Variants in SLCO1B3 observed in about 807,000 individuals in gnomAD.
SLCO1B3 encodes liver-specific organic anion transporter 2.
A neutral mutation model predicts 71.8 loss-of-function variants in SLCO1B3; 72 were observed. That is an observed-to-expected ratio of 1.00 (90% CI 0.83 to 1.22). The LOEUF is 1.22. Among genes scored for constraint, SLCO1B3 ranks in the 50% most tolerant of loss-of-function variants. The pLI, the probability that SLCO1B3 is intolerant of heterozygous loss-of-function variation, is 0.00. For missense variants in SLCO1B3, 911 were observed against 819.7 expected (o/e 1.11, Z -1.36); for synonymous variants, 298 against 278.4 (o/e 1.07, Z -0.70).
chr12:20,865,718 T>C (rs1476939967), intron 8 of SLCO1B3, among the ~76,000 whole-genome samples: 1 of 152,116 alleles, frequency 6.6e-6, no homozygotes, highest in African/African-American at 2.4e-5. Flanking sequence ...ATATTGTGAA[T>C]ACATAAAATA....
intron 13 of SLCO1B3, among the ~76,000 whole-genome samples, chr12:20,885,741 G>C (rs1448677510): frequency 6.6e-6 from 1 of 151,894 alleles, no homozygotes; most frequent in African/African-American, 2.4e-5. Flanking sequence ...AAAAAAGTGT[G>C]TGAGGAAAAG....
intron 3 of SLCO1B3, among the ~76,000 whole-genome samples, chr12:20,844,694 C>T (rs761495817): frequency 6.6e-6 from 1 of 151,780 alleles, no homozygotes; most frequent in Non-Finnish European, 1.5e-5. Context: ...TAGTTTTATT[C>T]CACTGTGGTC....
intron 13 of SLCO1B3, among the ~76,000 whole-genome samples, chr12:20,895,987 G>GA (rs1174808642): frequency 6.6e-6 from 1 of 152,212 alleles, no homozygotes; most frequent in Non-Finnish European, 1.5e-5. Flanking sequence ...TGCACCATGT[G>GA]AAGGCACAGC....
chr12:20,916,813 G>A lies in SLCO1B3; in HGVS notation c.*566G>A, dbSNP rs1216763611. 2 of 152,110 alleles carry A rather than the reference G, an allele frequency of 1.3e-5. No individual in the cohort carries two copies. The highest frequency in any genetic ancestry group is 3.2e-3 in the Middle Eastern group (1 of 316). 9.4% of individuals were successfully genotyped at this position (152,110 alleles called of 1,614,324 possible). ...AAATAGAAATATTCAAATATTGCAA[G>A]GTGTAATTGTGAGACAACTTATTAT... On this transcript the variant is annotated 3_prime_UTR_variant, in exon 16 of 16. Coordinates refer to ENST00000381545, the MANE Select transcript of SLCO1B3 (RefSeq NM_019844.4).
At chr12:20,836,839 C>T (rs1254988200) in intron 3 of SLCO1B3, among the ~76,000 whole-genome samples, 3 of 152,118 alleles carry the variant, frequency 2.0e-5, no homozygotes, top group African/African-American at 7.2e-5. Flanking sequence ...GATGGGGTTT[C>T]ACTGTGTTAG....
At chr12:20,850,247 T>G (rs1329235558) in intron 3 of SLCO1B3, among the ~76,000 whole-genome samples, 2 of 144,622 alleles carry the variant, frequency 1.4e-5, no homozygotes, top group Non-Finnish European at 3.0e-5. Context: ...ATTATTTTTA[T>G]TATTATTATT....
intron 13 of SLCO1B3, among the ~76,000 whole-genome samples, chr12:20,890,759 T>G (rs757964659): frequency 6.6e-6 from 1 of 152,226 alleles, no homozygotes; most frequent in Admixed American, 6.5e-5. Flanking sequence ...ATCCTTTATA[T>G]GATAACCTTC....
At chr12:20,877,140 A>G (rs1238527266) in intron 9 of SLCO1B3, among the ~76,000 whole-genome samples, 1 of 152,062 alleles carries the variant, frequency 6.6e-6, no homozygotes, top group Non-Finnish European at 1.5e-5. Context: ...CAATTAATGG[A>G]TTTTCTAAAC....
At chr12:20,901,034 A>T (rs141520175) in intron 14 of SLCO1B3, among the ~76,000 whole-genome samples, 1 of 152,300 alleles carries the variant, frequency 6.6e-6, no homozygotes, top group African/African-American at 2.4e-5. Context: ...TACTAACAAC[A>T]TTCCCCTTTT....
chr12:20,849,538 GA>G (rs1864980859), intron 3 of SLCO1B3, among the ~76,000 whole-genome samples: 1 of 151,958 alleles, frequency 6.6e-6, no homozygotes, highest in Admixed American at 6.6e-5. Flanking sequence ...GATTGTTCTA[GA>G]AGTTCTAGCC....
intron 3 of SLCO1B3, among the ~76,000 whole-genome samples, chr12:20,840,828 T>TGCCC (rs1864782880): frequency 6.6e-6 from 1 of 152,148 alleles, no homozygotes; most frequent in Non-Finnish European, 1.5e-5. Flanking sequence ...AGGCTCCAAT[T>TGCCC]AATTAGTTTT....
At chr12:20,895,415 C>T (rs1435164891) in intron 13 of SLCO1B3, among the ~76,000 whole-genome samples, 2 of 152,084 alleles carry the variant, frequency 1.3e-5, no homozygotes, top group Admixed American at 6.5e-5. Flanking sequence ...ACAGCCTTTC[C>T]AAATGGGAGA....
chr12:20,838,383 G>T (rs1864728379), intron 3 of SLCO1B3, among the ~76,000 whole-genome samples: 1 of 151,818 alleles, frequency 6.6e-6, no homozygotes, highest in South Asian at 2.1e-4. Flanking sequence ...CATGTAGTTG[G>T]CCTTGTTACT....
At chr12:20,903,370 A>G (rs1371231350) in intron 15 of SLCO1B3, among the ~76,000 whole-genome samples, 2 of 152,228 alleles carry the variant, frequency 1.3e-5, no homozygotes, top group Non-Finnish European at 2.9e-5. Flanking sequence ...TTACATTCAT[A>G]TAGTGGAATA....
chr12:20,843,480 C>T (rs1864844582), intron 3 of SLCO1B3, among the ~76,000 whole-genome samples: 1 of 152,046 alleles, frequency 6.6e-6, no homozygotes, highest in Non-Finnish European at 1.5e-5. Context: ...GTTCTCTTAC[C>T]TCAATACTTC....
At chr12:20,812,113 G>T (rs1864119856) in intron 1 of SLCO1B3, among the ~76,000 whole-genome samples, 1 of 151,824 alleles carries the variant, frequency 6.6e-6, no homozygotes, top group Admixed American at 6.6e-5. Context: ...CTCTGTGTTG[G>T]TCAGGCTGGT....
chr12:20,842,014 G>C (rs1332650270), intron 3 of SLCO1B3, among the ~76,000 whole-genome samples: 1 of 151,824 alleles, frequency 6.6e-6, no homozygotes, highest in Non-Finnish European at 1.5e-5. Flanking sequence ...TCCTGCCTCA[G>C]CCTCCTGAGT....
chr12:20,856,379 C>T (rs1865136515), intron 4 of SLCO1B3, among the ~76,000 whole-genome samples: 1 of 151,232 alleles, frequency 6.6e-6, no homozygotes, highest in Non-Finnish European at 1.5e-5. Context: ...AAGTCACATT[C>T]AAAAAATATA....
chr12:20,844,511 T>C lies in SLCO1B3; in HGVS notation c.85-10517T>C, dbSNP rs1411103858. 9.9e-5 allele frequency among the ~76,000 whole-genome samples: 15 copies of C among 150,880 alleles called. No homozygotes were observed. The East Asian group carries it at 3.0e-3, about 30-fold the overall frequency. On this transcript the variant is annotated intron_variant, in intron 3 of 15. Transcript: ENST00000381545. ...TGAACCTAGGAGGCAGTGGTTGCAG[T>C]GAGCCGAGATCACACCATTGCACTC...
Sources: gnomAD v4.1 joint callset for allele counts (sites outside exome capture counted in the v4.1 genomes callset) on GRCh38, gnomAD v4.1.1 for gene constraint, MANE v1.5 for transcripts, NCBI Gene and HGNC (gene_info 2026-07-23, HGNC 2026-07-21) for gene names.